CCBE1: variants seen among roughly 807,000 people sequenced by gnomAD.
CCBE1 encodes the protein collagen and calcium-binding EGF domain-containing protein 1.
Under a neutral mutation model 50.0 loss-of-function variants are expected in CCBE1, and 37 were observed. That is an observed-to-expected ratio of 0.74 (90% CI 0.57 to 0.97). The LOEUF is 0.97. Ranked by LOEUF, CCBE1 falls within the 50% of genes least tolerant of loss-of-function variation. The pLI, the probability that CCBE1 is intolerant of heterozygous loss-of-function variation, is 0.00. For synonymous variants in CCBE1, 234 were observed against 203.7 expected (o/e 1.15, Z -1.27); for missense variants, 538 against 523.8 (o/e 1.03, Z -0.26).
chr18:59,474,979 G>C (rs138325303), intron 3 of CCBE1, among the ~76,000 whole-genome samples: 1 of 152,214 alleles, frequency 6.6e-6, no homozygotes, highest in African/African-American at 2.4e-5. Flanking sequence ...GTCCTCGTGG[G>C]TTTGTCTTTT....
At chr18:59,469,684 T>TC (rs1911935831) in intron 3 of CCBE1, 77 bp from the exon 4 acceptor site, 1 of 1,594,958 alleles carries the variant, frequency 6.3e-7, no homozygotes, top group Admixed American at 1.7e-5. Flanking sequence ...GAAAGGACTT[T>TC]CTGGGCTGGG....
At chr18:59,659,533 C>T (rs2054253569) in intron 2 of CCBE1, among the ~76,000 whole-genome samples, 1 of 152,172 alleles carries the variant, frequency 6.6e-6, no homozygotes, top group South Asian at 2.1e-4. Context: ...TAATTCACCG[C>T]ATGCCAAACT....
intron 2 of CCBE1, among the ~76,000 whole-genome samples, chr18:59,620,596 A>G (rs1281883052): frequency 6.6e-6 from 1 of 152,148 alleles, no homozygotes; most frequent in African/African-American, 2.4e-5. Context: ...AAGGGACCTG[A>G]TGGGAGGTAA....
intron 2 of CCBE1, among the ~76,000 whole-genome samples, chr18:59,640,767 A>G (rs1028608600): frequency 5.3e-5 from 8 of 152,304 alleles, no homozygotes; most frequent in Admixed American, 1.3e-4. Context: ...TCCAGAATCT[A>G]TAAGGAACTT....
chr18:59,436,442 A>G (rs1220711479), intron 10 of CCBE1, among the ~76,000 whole-genome samples: 1 of 152,188 alleles, frequency 6.6e-6, no homozygotes, highest in Non-Finnish European at 1.5e-5. Context: ...AGCAGTCTGG[A>G]AGATGCTTAT....
intron 2 of CCBE1, among the ~76,000 whole-genome samples, chr18:59,610,344 G>A (rs7245036): frequency 4.0e-5 from 6 of 151,684 alleles, no homozygotes; most frequent in South Asian, 2.1e-4. Flanking sequence ...CAAAATTAAC[G>A]TCCAAGAATG....
chr18:59,613,780 A>T (rs559444500), intron 2 of CCBE1, among the ~76,000 whole-genome samples: 1 of 151,192 alleles, frequency 6.6e-6, no homozygotes, highest in African/African-American at 2.4e-5. Context: ...GTTCTTAATG[A>T]CTTTCACAAT....
chr18:59,625,696 C>T (rs1174533541), intron 2 of CCBE1, among the ~76,000 whole-genome samples: 1 of 136,950 alleles, frequency 7.3e-6, no homozygotes, highest in Non-Finnish European at 1.6e-5. Flanking sequence ...CCAATTCTTA[C>T]ATTCTGTAGT....
chr18:59,565,633 A>G (rs1447515372), intron 2 of CCBE1, among the ~76,000 whole-genome samples: 4 of 152,238 alleles, frequency 2.6e-5, no homozygotes, highest in African/African-American at 9.6e-5. Context: ...TAAAAAATTA[A>G]GAATTTTCAA....
chr18:59,586,025 TG>T (rs1332045092), intron 2 of CCBE1, among the ~76,000 whole-genome samples: 2 of 152,222 alleles, frequency 1.3e-5, no homozygotes, highest in Admixed American at 1.3e-4. Context: ...GTAATAATAT[TG>T]GCCTTTTAGT....
chr18:59,478,623 A>G (rs2143766021), intron 3 of CCBE1, among the ~76,000 whole-genome samples: 1 of 152,348 alleles, frequency 6.6e-6, no homozygotes, highest in Admixed American at 6.5e-5. Flanking sequence ...TAAGGCCTAG[A>G]TGTTTGAAAC....
chr18:59,551,294 G>A (rs1915922058), intron 2 of CCBE1, among the ~76,000 whole-genome samples: 1 of 152,018 alleles, frequency 6.6e-6, no homozygotes, highest in South Asian at 2.1e-4. Context: ...ACATAGAAAA[G>A]GTACAGTAAA....
chr18:59,452,219 C>T (rs1910971153), intron 6 of CCBE1, among the ~76,000 whole-genome samples: 1 of 152,186 alleles, frequency 6.6e-6, no homozygotes, highest in African/African-American at 2.4e-5. Context: ...GCATCTCCTT[C>T]TTGGCTAATG....
At chr18:59,641,792 G>C (rs912839335) in intron 2 of CCBE1, among the ~76,000 whole-genome samples, 1 of 152,208 alleles carries the variant, frequency 6.6e-6, no homozygotes, top group African/African-American at 2.4e-5. Context: ...GAAAAGGTGA[G>C]TGATGGCATG....
chr18:59,617,319 C>G (rs555181556), intron 2 of CCBE1, among the ~76,000 whole-genome samples: 2 of 152,194 alleles, frequency 1.3e-5, no homozygotes, highest in African/African-American at 2.4e-5. Flanking sequence ...AATGCAAATT[C>G]GAAATCCTTA....
At chr18:59,484,744 G>C (rs1912732775) in intron 2 of CCBE1, among the ~76,000 whole-genome samples, 1 of 152,180 alleles carries the variant, frequency 6.6e-6, no homozygotes, top group Non-Finnish European at 1.5e-5. Flanking sequence ...CTGCTCAAGG[G>C]AAGGAGTTGT....
intron 7 of CCBE1, among the ~76,000 whole-genome samples, chr18:59,441,183 G>T (rs1409668704): frequency 6.6e-6 from 1 of 152,218 alleles, no homozygotes; most frequent in Non-Finnish European, 1.5e-5. Flanking sequence ...CTCTGCAAAT[G>T]ATGTCTGGCA....
chr18:59,551,636 T>G (rs1915934204), intron 2 of CCBE1, among the ~76,000 whole-genome samples: 1 of 152,226 alleles, frequency 6.6e-6, no homozygotes, highest in Non-Finnish European at 1.5e-5. Flanking sequence ...TACTAATTAT[T>G]TTTTCACTAC....
intron 2 of CCBE1, among the ~76,000 whole-genome samples, chr18:59,482,218 T>G (rs1477183466): frequency 6.6e-6 from 1 of 152,242 alleles, no homozygotes; most frequent in Non-Finnish European, 1.5e-5. Context: ...GGACGTGAAC[T>G]CATTCTTTTT....
Sources: allele counts gnomAD v4.1 joint callset (sites outside exome capture counted in the v4.1 genomes callset), GRCh38; gene constraint gnomAD v4.1.1; transcripts MANE v1.5; gene names NCBI Gene and HGNC (gene_info 2026-07-23, HGNC 2026-07-21).